The following DRG1 variants were observed in gnomAD, a reference collection of about 807,000 sequenced individuals.
DRG1 encodes developmentally regulated GTP binding protein 1.
A neutral mutation model predicts 38.8 loss-of-function variants in DRG1; 19 were observed. The observed-to-expected ratio is 0.49, with a 90% CI of 0.34 to 0.72. The LOEUF is 0.72. Among genes scored for constraint, DRG1 ranks in the 30% least tolerant of loss-of-function variants. The pLI is 0.01. For missense variants in DRG1, 299 were observed against 444.8 expected (o/e 0.67, Z 2.95); for synonymous variants, 167 against 157.5 (o/e 1.06, Z -0.45).
Position 31,425,544 on chromosome 22 carries a change from C to T in DRG1, c.714-1071C>T, listed in dbSNP as rs896247611. Among the ~76,000 whole-genome samples the T allele has an allele frequency of 4.6e-5, 7 of 151,874 alleles. No homozygotes were observed. In the East Asian group the frequency reaches 1.4e-3, roughly 29 times the overall value. On this transcript the variant is annotated intron_variant, in intron 6 of 8. Transcript: ENST00000331457. ...CAGCCTTGAACTCCCGGGCTCAATC[C>T]ATCCTCCCACCTCAACCTCCTGAGT...
chr22:31,423,252 T>C (rs771225925), intron 5 of DRG1, 28 bp from the exon 6 acceptor site: 14 of 1,609,972 alleles, frequency 8.7e-6, no homozygotes, highest in Admixed American at 1.7e-5. Flanking sequence ...AATTTTGTGC[T>C]GACTAGTCAT....
chr22:31,400,782 A>T (rs2049956893), intron 2 of DRG1, 39 bp downstream of exon 2: 1 of 1,586,136 alleles, frequency 6.3e-7, no homozygotes, highest in Admixed American at 1.7e-5. Flanking sequence ...TTTAGGTATA[A>T]TTTTTGTCAA....
At chr22:31,420,830 T>C (rs1385919121) in intron 5 of DRG1, among the ~76,000 whole-genome samples, 2 of 152,154 alleles carry the variant, frequency 1.3e-5, no homozygotes, top group Non-Finnish European at 2.9e-5. Context: ...TATATTCTAA[T>C]TGGATAGAAT....
intron 3 of DRG1, among the ~76,000 whole-genome samples, chr22:31,405,464 C>G (rs2049984256): frequency 1.3e-5 from 2 of 152,048 alleles, no homozygotes; most frequent in South Asian, 4.2e-4. Context: ...CCGTGCCTGG[C>G]CGGGCCTTAA....
intron 3 of DRG1, among the ~76,000 whole-genome samples, chr22:31,404,620 TTTTTG>T (rs2049979984): frequency 1.3e-5 from 2 of 151,724 alleles, no homozygotes; most frequent in African/African-American, 4.8e-5. Context: ...ATTCCATGTT[TTTTTG>T]TTTTGTTTTG....
chr22:31,403,048 AG>A lies in DRG1; in HGVS notation c.188del (p.Gly63ValfsTer37). 1 of 1,612,804 alleles carries A rather than the reference AG, an allele frequency of 6.2e-7. No homozygotes were observed. Among genetic ancestry groups the A allele is most frequent in the Non-Finnish European group, 8.5e-7 (1 of 1,179,834 alleles). On this transcript the variant is annotated frameshift_variant, in exon 3 of 9. Transcript: ENST00000331457. LOFTEE classifies it high-confidence loss of function. ...PGEGFDVAKT[G>X]DARIGFVGFP... ...TTTTAGGTTTTGATGTGGCCAAGAC[AG>A]GTGATGCTCGAATTGGATTTGTTGG...
At chr22:31,416,536 C>T (rs897974713) in intron 4 of DRG1, among the ~76,000 whole-genome samples, 1 of 142,472 alleles carries the variant, frequency 7.0e-6, no homozygotes, top group East Asian at 2.2e-4. Context: ...GGGTGGATCA[C>T]CTGAGGTCAG....
intron 4 of DRG1, among the ~76,000 whole-genome samples, chr22:31,413,673 G>A (rs967935989): frequency 1.6e-5 from 2 of 122,568 alleles, no homozygotes; most frequent in Non-Finnish European, 3.2e-5. Context: ...GGAGTGCAAT[G>A]GTGCGATCTT....
intron 3 of DRG1, among the ~76,000 whole-genome samples, chr22:31,408,209 G>A (rs1205635078): frequency 9.1e-6 from 1 of 109,462 alleles, no homozygotes; most frequent in Non-Finnish European, 1.8e-5. Flanking sequence ...TGTGATCTCA[G>A]CTCACTGCAA....
intron 4 of DRG1, 104 bp from the exon 5 acceptor site, chr22:31,420,152 C>A: frequency 7.6e-7 from 1 of 1,320,104 alleles, no homozygotes; most frequent in Non-Finnish European, 1.0e-6. Context: ...CAGAAAAATC[C>A]TTTGACACTT....
At chr22:31,413,620 T>G (rs1359852967) in intron 4 of DRG1, among the ~76,000 whole-genome samples, 1 of 140,672 alleles carries the variant, frequency 7.1e-6, no homozygotes, top group Non-Finnish European at 1.5e-5. Flanking sequence ...TTTTTTTTTT[T>G]TTTTTTTTTT....
At chr22:31,425,343 T>C (rs183526535) in intron 6 of DRG1, among the ~76,000 whole-genome samples, 1 of 152,256 alleles carries the variant, frequency 6.6e-6, no homozygotes, top group African/African-American at 2.4e-5. Context: ...TGAGAAGTTA[T>C]ATAGGCTGTG....
At chr22:31,402,578 A>C (rs935057513) in intron 2 of DRG1, among the ~76,000 whole-genome samples, 5 of 143,358 alleles carry the variant, frequency 3.5e-5, no homozygotes, top group African/African-American at 1.0e-4. Context: ...GTGTGATCAC[A>C]GCTCACTGCA....
chr22:31,401,860 G>A (rs2049962931), intron 2 of DRG1, among the ~76,000 whole-genome samples: 1 of 151,938 alleles, frequency 6.6e-6, no homozygotes, highest in East Asian at 1.9e-4. Flanking sequence ...AGACTAGCCT[G>A]ACCAACATGG....
chr22:31,425,736 C>G (rs895730915), intron 6 of DRG1, among the ~76,000 whole-genome samples: 5 of 152,212 alleles, frequency 3.3e-5, no homozygotes, highest in Admixed American at 1.3e-4. Context: ...CCACTATGCC[C>G]AGCCCATTAA....
intron 3 of DRG1, among the ~76,000 whole-genome samples, chr22:31,405,496 G>C (rs906926871): frequency 1.3e-5 from 2 of 151,596 alleles, no homozygotes; most frequent in African/African-American, 2.4e-5. Context: ...CCTGTGTTCA[G>C]CTGCCACAGT....
intron 8 of DRG1, among the ~76,000 whole-genome samples, chr22:31,431,940 C>T (rs963392010): frequency 6.6e-6 from 1 of 152,024 alleles, no homozygotes; most frequent in African/African-American, 2.4e-5. Context: ...TGTTCAAAAC[C>T]TTCAGAACTT....
chr22:31,411,719 G>A (rs1200957194), intron 4 of DRG1, among the ~76,000 whole-genome samples: 1 of 151,002 alleles, frequency 6.6e-6, no homozygotes, highest in South Asian at 2.1e-4. Flanking sequence ...TGGTAGAGAC[G>A]GAGTTTCACC....
chr22:31,421,801 C>T (rs2050078469), intron 5 of DRG1, among the ~76,000 whole-genome samples: 1 of 152,022 alleles, frequency 6.6e-6, no homozygotes, highest in Admixed American at 6.6e-5. Context: ...ACTGAGATCA[C>T]CAAGGATGTG....
Sources: allele counts gnomAD v4.1 joint callset (sites outside exome capture counted in the v4.1 genomes callset), GRCh38; gene constraint gnomAD v4.1.1; transcripts MANE v1.5; gene names NCBI Gene and HGNC (gene_info 2026-07-23, HGNC 2026-07-21).